Variants in NUP160 observed in about 807,000 individuals in gnomAD.
NUP160 encodes the protein nuclear pore complex protein Nup160.
NUP160 carries 94 observed loss-of-function variants against 196.9 expected under a neutral mutation model. That is an observed-to-expected ratio of 0.48 (90% confidence interval 0.40 to 0.57). The LOEUF is 0.57. NUP160 is among the 20% of genes least tolerant of loss of function. The pLI, the probability that NUP160 is intolerant of heterozygous loss-of-function variation, is 0.00. For missense variants in NUP160, 1,638 were observed against 1,748.3 expected, an observed-to-expected ratio of 0.94 and a Z score of 1.13; for synonymous variants, 605 against 619.7, an observed-to-expected ratio of 0.98 and a Z score of 0.35.
intron 34 of NUP160, among the ~76,000 whole-genome samples, chr11:47,782,294 AAAAAAAAAAATATATAT>A (rs1263607243): frequency 1.7e-4 from 7 of 40,618 alleles, no homozygotes; most frequent in Admixed American, 2.4e-4. Flanking sequence ...TCAGTTAAAA[AAAAAAAAAAATATATAT>A]ATATATATAT....
chr11:47,830,845 C>A (rs989604786), intron 7 of NUP160, among the ~76,000 whole-genome samples: 1 of 151,870 alleles, frequency 6.6e-6, no homozygotes, highest in Admixed American at 6.6e-5. Flanking sequence ...TCACATGTAC[C>A]CTCAAACCTA....
chr11:47,804,471 A>T, intron 21 of NUP160, 78 bp downstream of exon 21: 1 of 901,100 alleles, frequency 1.1e-6, no homozygotes, highest in Non-Finnish European at 1.7e-6. Flanking sequence ...AAATGCAGTT[A>T]ACATTTACAA....
At chr11:47,841,739 G>A (rs956038726) in intron 2 of NUP160, 3 of 222,444 alleles carry the variant, frequency 1.3e-5, no homozygotes, top group Non-Finnish European at 2.7e-5. Flanking sequence ...TCAGGCTGGG[G>A]TGCAGTGGTG....
intron 2 of NUP160, among the ~76,000 whole-genome samples, chr11:47,847,163 CCA>C (rs1273455056): frequency 6.6e-6 from 1 of 152,122 alleles, no homozygotes; most frequent in Non-Finnish European, 1.5e-5. Flanking sequence ...TCCAAACCCG[CCA>C]CATTCTTTCC....
intron 8 of NUP160, 23 bp downstream of exon 8, chr11:47,822,064 A>G: frequency 6.7e-7 from 1 of 1,482,304 alleles, no homozygotes; most frequent in East Asian, 2.3e-5. Flanking sequence ...CTTATGTGAT[A>G]TGCAAAGGAT....
At chr11:47,839,817 A>T (rs1852258557) in intron 4 of NUP160, 26 bp downstream of exon 4, 1 of 1,565,222 alleles carries the variant, frequency 6.4e-7, no homozygotes, top group South Asian at 1.1e-5. Flanking sequence ...TTTAAAGTTA[A>T]ATCCATGCTC....
chr11:47,830,043 A>G (rs1391843864), intron 7 of NUP160, among the ~76,000 whole-genome samples: 1 of 152,238 alleles, frequency 6.6e-6, no homozygotes, highest in Non-Finnish European at 1.5e-5. Context: ...ACCTCATTAA[A>G]AAGTGGGCAA....
intron 2 of NUP160, among the ~76,000 whole-genome samples, chr11:47,845,745 T>C (rs1852388973): frequency 6.6e-6 from 1 of 152,208 alleles, no homozygotes; most frequent in African/African-American, 2.4e-5. Flanking sequence ...CTTACCCTTT[T>C]TCCCACCTGG....
chr11:47,836,295 C>T (rs1202287196), intron 6 of NUP160, among the ~76,000 whole-genome samples: 2 of 152,134 alleles, frequency 1.3e-5, no homozygotes, highest in Non-Finnish European at 2.9e-5. Context: ...AAAAACATCT[C>T]TTCAGTCTGA....
intron 7 of NUP160, among the ~76,000 whole-genome samples, chr11:47,833,104 C>T (rs999110127): frequency 6.6e-6 from 1 of 152,108 alleles, no homozygotes; most frequent in African/African-American, 2.4e-5. Context: ...TACTAAAACT[C>T]ATTGAATGGT....
At chr11:47,847,078 C>T (rs1044526679) in intron 2 of NUP160, among the ~76,000 whole-genome samples, 1 of 152,150 alleles carries the variant, frequency 6.6e-6, no homozygotes, top group African/African-American at 2.4e-5. Context: ...GTCCTGCCTA[C>T]CTCTCCAGCC....
intron 13 of NUP160, among the ~76,000 whole-genome samples, chr11:47,814,045 T>G (rs1175326131): frequency 1.9e-5 from 2 of 107,256 alleles, no homozygotes; most frequent in African/African-American, 7.1e-5. Flanking sequence ...CACTCCAGCC[T>G]GGGTGACAGA....
intron 18 of NUP160, 30 bp from the exon 19 acceptor site, chr11:47,807,170 T>C (rs1451912634): frequency 1.5e-6 from 2 of 1,341,494 alleles, no homozygotes; most frequent in Admixed American, 1.7e-5. Context: ...GACAGCTTAG[T>C]AAATTCTCCT....
chr11:47,783,146 T>G (rs1383875382), exon 34 of NUP160: 2 of 1,613,862 alleles, frequency 1.2e-6, no homozygotes, highest in Non-Finnish European at 1.7e-6. Flanking sequence ...CACAGCTTCT[T>G]CTAAAAGGTC....
intron 2 of NUP160, among the ~76,000 whole-genome samples, chr11:47,847,236 T>C (rs1031291631): frequency 1.3e-5 from 2 of 152,164 alleles, no homozygotes; most frequent in Non-Finnish European, 2.9e-5. Context: ...CCACTCCCCA[T>C]GCCTGGCTAA....
chr11:47,790,230 G>A (rs2097667128), intron 29 of NUP160, among the ~76,000 whole-genome samples: 1 of 151,854 alleles, frequency 6.6e-6, no homozygotes, highest in Non-Finnish European at 1.5e-5. Flanking sequence ...ACAGGCGTGA[G>A]TCACTGTGCC....
At chr11:47,848,277 T>G (rs371359131) in exon 1 of NUP160, 1 of 1,614,052 alleles carries the variant, frequency 6.2e-7, no homozygotes, top group Non-Finnish European at 8.5e-7. Flanking sequence ...CAGCTCCGCT[T>G]AGCTCCACGA....
chr11:47,848,006 G>A (rs1459604722), intron 1 of NUP160, 47 bp from the exon 2 acceptor site: 1 of 1,470,234 alleles, frequency 6.8e-7, no homozygotes, highest in South Asian at 1.1e-5. Context: ...TCTGAGAAAT[G>A]ACAGGGACTA....
chr11:47,799,122 G>C (rs1184900517), intron 23 of NUP160, among the ~76,000 whole-genome samples: 2 of 151,438 alleles, frequency 1.3e-5, no homozygotes, highest in Non-Finnish European at 2.9e-5. Flanking sequence ...CAGGGTCTCT[G>C]TCAATCAGAC....
Sources: allele counts gnomAD v4.1 joint callset (sites outside exome capture counted in the v4.1 genomes callset), GRCh38; gene constraint gnomAD v4.1.1; transcripts MANE v1.5; gene names NCBI Gene and HGNC (gene_info 2026-07-23, HGNC 2026-07-21).